The following SPMIP3 variants were observed in gnomAD, a reference collection of about 807,000 sequenced individuals.
The protein encoded by SPMIP3 is sperm microtubule inner protein 3, also known as protein SPMIP3.
chr1:244,389,221 T>C, the SPMIP3 span: 1 of 610,060 alleles, frequency 1.6e-6, no homozygotes, highest in South Asian at 1.9e-5. Context: ...CAGATTAAGT[T>C]GGTCAGCTTA....
chr1:244,380,529 C>G, the SPMIP3 span, among the ~76,000 whole-genome samples: 7 of 152,166 alleles, frequency 4.6e-5, no homozygotes, highest in East Asian at 9.7e-4. Flanking sequence ...TACTATTTTC[C>G]CAATTTTACT....
At chr1:244,362,641 C>A in the SPMIP3 span, among the ~76,000 whole-genome samples, 9 of 152,084 alleles carry the variant, frequency 5.9e-5, no homozygotes, top group East Asian at 1.9e-4. Flanking sequence ...GGGAAAATGA[C>A]CTGCCGCAGG....
the SPMIP3 span, among the ~76,000 whole-genome samples, chr1:244,360,556 A>ACACATG: frequency 4.1e-5 from 1 of 24,226 alleles, no homozygotes; most frequent in African/African-American, 9.4e-5. Context: ...ACACACACAC[A>ACACATG]CATGCATGCA....
chr1:244,380,898 G>A, the SPMIP3 span, among the ~76,000 whole-genome samples: 1 of 151,858 alleles, frequency 6.6e-6, no homozygotes, highest in African/African-American at 2.4e-5. Flanking sequence ...GGGGCCAGAG[G>A]TTGCCAGCAG....
At chr1:244,384,687 T>C in the SPMIP3 span, among the ~76,000 whole-genome samples, 3 of 152,060 alleles carry the variant, frequency 2.0e-5, no homozygotes, top group Non-Finnish European at 4.4e-5. Flanking sequence ...TGAGAAGCAG[T>C]GATTTAGGCA....
At chr1:244,389,042 TGAAA>T in the SPMIP3 span, 1 of 1,613,662 alleles carries the variant, frequency 6.2e-7, no homozygotes, top group African/African-American at 1.3e-5. Flanking sequence ...GAAGCAGCTT[TGAAA>T]GAAATGCTTT....
At chr1:244,354,696 A>G in the SPMIP3 span, among the ~76,000 whole-genome samples, 1 of 152,200 alleles carries the variant, frequency 6.6e-6, no homozygotes, top group Non-Finnish European at 1.5e-5. Flanking sequence ...CTTTCCTATC[A>G]TAAAAAGAGA....
chr1:244,383,721 G>A, the SPMIP3 span, among the ~76,000 whole-genome samples: 2 of 152,162 alleles, frequency 1.3e-5, no homozygotes, highest in Admixed American at 6.5e-5. Context: ...GTGGCAGGAA[G>A]GAGCATGACA....
At chr1:244,372,449 T>C in the SPMIP3 span, among the ~76,000 whole-genome samples, 2 of 151,712 alleles carry the variant, frequency 1.3e-5, no homozygotes, top group African/African-American at 4.8e-5. Context: ...TCTGAATTTT[T>C]TTTTTTTTTT....
chr1:244,387,480 C>T, the SPMIP3 span, among the ~76,000 whole-genome samples: 4 of 140,496 alleles, frequency 2.8e-5, no homozygotes, highest in South Asian at 4.5e-4. Context: ...AATTTAGGAA[C>T]GGCAGTATCA....
the SPMIP3 span, among the ~76,000 whole-genome samples, chr1:244,376,222 T>G: frequency 2.1e-4 from 32 of 152,216 alleles, no homozygotes; most frequent in Non-Finnish European, 4.3e-4. Context: ...TTGCTTTTTC[T>G]GAACGTCAGG....
chr1:244,373,390 C>T, the SPMIP3 span, among the ~76,000 whole-genome samples: 1 of 130,878 alleles, frequency 7.6e-6, no homozygotes, highest in African/African-American at 2.8e-5. Flanking sequence ...TCCCTCCCAG[C>T]TACTTAGGAA....
chr1:244,359,017 T>G, the SPMIP3 span, among the ~76,000 whole-genome samples: 2 of 152,168 alleles, frequency 1.3e-5, no homozygotes, highest in Non-Finnish European at 2.9e-5. Flanking sequence ...TGTTCATACT[T>G]GAGTTACCAC....
At chr1:244,364,445 T>G in the SPMIP3 span, among the ~76,000 whole-genome samples, 1 of 152,148 alleles carries the variant, frequency 6.6e-6, no homozygotes, top group Non-Finnish European at 1.5e-5. Flanking sequence ...ATTTAATTTT[T>G]TTTTACTTTT....
At chr1:244,378,363 C>G in the SPMIP3 span, 1 of 1,183,738 alleles carries the variant, frequency 8.4e-7, no homozygotes, top group Non-Finnish European at 1.2e-6. Flanking sequence ...TCAATACTCT[C>G]TGTTAGCCTC....
the SPMIP3 span, among the ~76,000 whole-genome samples, chr1:244,383,813 T>C: frequency 1.3e-5 from 2 of 151,974 alleles, no homozygotes; most frequent in Admixed American, 6.6e-5. Flanking sequence ...GGTGGAGGGA[T>C]GGGAAGAAAG....
At chr1:244,388,220 C>G in the SPMIP3 span, among the ~76,000 whole-genome samples, 1 of 152,090 alleles carries the variant, frequency 6.6e-6, no homozygotes, top group Non-Finnish European at 1.5e-5. Flanking sequence ...TGAGCCACCA[C>G]GCCTGGCCTA....
the SPMIP3 span, among the ~76,000 whole-genome samples, chr1:244,353,037 C>G: frequency 6.6e-6 from 1 of 152,148 alleles, no homozygotes; most frequent in African/African-American, 2.4e-5. Context: ...GTTTTAAAAA[C>G]TGTGAACTAG....
chr1:244,368,888 C>T, the SPMIP3 span, among the ~76,000 whole-genome samples: 4 of 152,308 alleles, frequency 2.6e-5, no homozygotes, highest in African/African-American at 7.2e-5. Flanking sequence ...TGGCCGGGTG[C>T]GGTGGCTGAC....
Sources: allele counts gnomAD v4.1 joint callset (sites outside exome capture counted in the v4.1 genomes callset), GRCh38; gene constraint gnomAD v4.1.1; transcripts MANE v1.5; gene names NCBI Gene and HGNC (gene_info 2026-07-23, HGNC 2026-07-21).